LINC00632: variants seen among roughly 807,000 people sequenced by gnomAD.
The protein encoded by LINC00632 is ALDOA related specific transcript.
chrX:140,735,815 C>T (rs984105303), intron 3 of LINC00632, among the ~76,000 whole-genome samples: 4 of 111,650 alleles, frequency 3.6e-5, no homozygotes, highest in Non-Finnish European at 7.5e-5. Context: ...ATCTGCCTGC[C>T]TTGGCCTCCC....
chrX:140,764,075 G>A (rs1931643209), intron 3 of LINC00632, among the ~76,000 whole-genome samples: 1 of 110,298 alleles, frequency 9.1e-6, no homozygotes, highest in Admixed American at 9.7e-5. Context: ...CAATTCGTAG[G>A]GCCTGCTTTA....
At chrX:140,714,201 AAGACTCTCCCACAAC>A (rs1426393116) in intron 2 of LINC00632, 1 of 165,194 alleles carries the variant, frequency 6.1e-6, no homozygotes, top group African/African-American at 3.1e-5. Flanking sequence ...TCATGACACA[AAGACTCTCCCACAAC>A]AGACAGACTC....
intron 3 of LINC00632, among the ~76,000 whole-genome samples, chrX:140,769,339 A>G (rs191997702): frequency 5.6e-4 from 63 of 111,574 alleles, no homozygotes; most frequent in African/African-American, 1.8e-3. Flanking sequence ...CAGCTTTTAC[A>G]TCTTTCTAGA....
intron 2 of LINC00632, among the ~76,000 whole-genome samples, chrX:140,715,386 G>T (rs191772054): frequency 9.0e-6 from 1 of 110,737 alleles, no homozygotes; most frequent in Non-Finnish European, 1.9e-5. Flanking sequence ...CAAGGTCAGG[G>T]GTTCAGGACC....
intron 2 of LINC00632, among the ~76,000 whole-genome samples, chrX:140,720,576 C>A (rs893258035): frequency 8.9e-6 from 1 of 112,162 alleles, no homozygotes; most frequent in African/African-American, 3.2e-5. Context: ...ACAATACAGA[C>A]ACTTCTTACA....
chrX:140,784,294 C>G, exon 5 of LINC00632: 6 of 1,203,096 alleles, frequency 5.0e-6, no homozygotes, highest in Non-Finnish European at 6.7e-6. Context: ...AACAAAGGTA[C>G]GTCTTCCAAC....
At chrX:140,751,283 ATC>A (rs1931407035) in intron 3 of LINC00632, among the ~76,000 whole-genome samples, 1 of 82,274 alleles carries the variant, frequency 1.2e-5, no homozygotes, top group Non-Finnish European at 2.6e-5. Flanking sequence ...CCATGCCAAC[ATC>A]TTTTTTTTTT....
At chrX:140,714,204 A>G (rs1174147562) in intron 2 of LINC00632, 1 of 159,330 alleles carries the variant, frequency 6.3e-6, no homozygotes, top group Non-Finnish European at 1.2e-5. Flanking sequence ...TGACACAAAG[A>G]CTCTCCCACA....
At chrX:140,730,122 G>A (rs1188674737) in intron 2 of LINC00632, among the ~76,000 whole-genome samples, 3 of 110,332 alleles carry the variant, frequency 2.7e-5, no homozygotes, top group Non-Finnish European at 5.7e-5. Flanking sequence ...TGATCCCCCC[G>A]CCTCGGCCTC....
chrX:140,762,902 T>A (rs1314099702), intron 3 of LINC00632, among the ~76,000 whole-genome samples: 1 of 112,092 alleles, frequency 8.9e-6, no homozygotes, highest in African/African-American at 3.2e-5. Context: ...CAAGCAGTAG[T>A]TTGCAGATCC....
chrX:140,759,839 A>G (rs1266682613), intron 3 of LINC00632, among the ~76,000 whole-genome samples: 2 of 111,858 alleles, frequency 1.8e-5, no homozygotes, highest in Non-Finnish European at 3.8e-5. Flanking sequence ...ATAGTCTAAC[A>G]AGGGAGCTAA....
intron 2 of LINC00632, among the ~76,000 whole-genome samples, chrX:140,724,717 A>C (rs1333089801): frequency 9.3e-6 from 1 of 107,023 alleles, no homozygotes; most frequent in Non-Finnish European, 2.0e-5. Flanking sequence ...ACACACACAG[A>C]CACATTCCAT....
chrX:140,756,263 C>G (rs1931492105), intron 3 of LINC00632, among the ~76,000 whole-genome samples: 1 of 111,854 alleles, frequency 8.9e-6, no homozygotes. Context: ...ACAGTCATAA[C>G]CTAAATCACA....
At chrX:140,775,947 A>G (rs1234263090) in exon 5 of LINC00632, among the ~76,000 whole-genome samples, 2 of 111,572 alleles carry the variant, frequency 1.8e-5, no homozygotes, top group Non-Finnish European at 3.8e-5. Context: ...AAAGTTTAAA[A>G]GGGCTTCTGC....
At chrX:140,725,124 C>T (rs1478418019) in intron 2 of LINC00632, among the ~76,000 whole-genome samples, 3 of 100,194 alleles carry the variant, frequency 3.0e-5, no homozygotes, top group Non-Finnish European at 6.2e-5. Context: ...TATACACACA[C>T]ATTCCATACA....
chrX:140,771,640 CACACAT>C (rs1224479995), intron 3 of LINC00632, among the ~76,000 whole-genome samples: 2 of 60,173 alleles, frequency 3.3e-5, no homozygotes, highest in African/African-American at 1.2e-4. Context: ...CACACACACA[CACACAT>C]ACATATATGT....
chrX:140,746,621 CA>C (rs1460505772), intron 3 of LINC00632, among the ~76,000 whole-genome samples: 1 of 112,089 alleles, frequency 8.9e-6, no homozygotes, highest in Non-Finnish European at 1.9e-5. Context: ...CACTTACAAT[CA>C]TGTAATCAAC....
chrX:140,735,407 T>C (rs946379388), intron 3 of LINC00632, among the ~76,000 whole-genome samples: 3 of 111,810 alleles, frequency 2.7e-5, no homozygotes, highest in African/African-American at 9.8e-5. Flanking sequence ...TTTACTAAAA[T>C]GGCTTTCCCC....
chrX:140,760,542 G>A (rs781123419), intron 3 of LINC00632, among the ~76,000 whole-genome samples: 10 of 111,178 alleles, frequency 9.0e-5, no homozygotes, highest in Non-Finnish European at 1.9e-4. Flanking sequence ...AGGCCGAGGC[G>A]GGTGGATCAC....
Sources: gnomAD v4.1 joint callset for allele counts (sites outside exome capture counted in the v4.1 genomes callset) on GRCh38, gnomAD v4.1.1 for gene constraint, MANE v1.5 for transcripts, NCBI Gene and HGNC (gene_info 2026-07-23, HGNC 2026-07-21) for gene names.